The following SLC17A6 variants were observed in gnomAD, a reference collection of about 807,000 sequenced individuals.
SLC17A6 encodes the protein vesicular glutamate transporter 2.
Under a neutral mutation model 67.1 loss-of-function variants are expected in SLC17A6, and 35 were observed. That is an observed-to-expected ratio of 0.52 (90% CI 0.40 to 0.69). SLC17A6 has a LOEUF of 0.69. SLC17A6 is among the 30% of genes least tolerant of loss of function. The probability of loss-of-function intolerance (pLI) is 0.00; values close to 1 mark genes in which losing one functional copy is unlikely to be tolerated. For synonymous variants in SLC17A6, 285 were observed against 252.3 expected, an observed-to-expected ratio of 1.13 and a Z score of -1.23; for missense variants, 588 against 723.9, an observed-to-expected ratio of 0.81 and a Z score of 2.15.
rs566952960 is a variant in SLC17A6, at chr11:22,346,660, G to A, written c.458+3295G>A. Among the ~76,000 whole-genome samples, 490 of 151,698 alleles carry A rather than the reference G, an allele frequency of 3.2e-3. 1 individual carries two copies. The highest frequency in any genetic ancestry group is 6.3e-3 in the Non-Finnish European group (431 of 67,904). ...ATATGGTAATAAAAAAATGTGGGGG[G>A]CAAATTATTTTTGTCTTTAAATAAT... On this transcript the variant is annotated intron_variant, in intron 3 of 11. Coordinates refer to ENST00000263160, the MANE Select transcript of SLC17A6 (RefSeq NM_020346.3).
rs548933705 is a variant in SLC17A6, at chr11:22,341,116, T to A, written c.87-412T>A. ...CGCGGTAGTCAGGGTAAAGCCCTGC[T>A]GGGCGCGTGTAGGAGTGGGAGGCGC... On this transcript the variant is annotated intron_variant, in intron 1 of 11. Coordinates refer to ENST00000263160, the MANE Select transcript of SLC17A6 (RefSeq NM_020346.3). Among the ~76,000 whole-genome samples, 6 of 152,296 alleles carry A rather than the reference T, an allele frequency of 3.9e-5. No individual in the cohort carries two copies. The South Asian group carries it at 1.2e-3, about 32-fold the overall frequency.
intron 3 of SLC17A6, among the ~76,000 whole-genome samples, chr11:22,349,962 G>C (rs762871460): frequency 1.3e-5 from 2 of 152,152 alleles, no homozygotes; most frequent in African/African-American, 4.8e-5. Flanking sequence ...ACAATCCACT[G>C]CCCAAATGGA....
chr11:22,355,806 GTCTT>G (rs1348147300), intron 3 of SLC17A6, among the ~76,000 whole-genome samples: 2 of 152,184 alleles, frequency 1.3e-5, no homozygotes, highest in African/African-American at 4.8e-5. Flanking sequence ...TTTTTGGAAA[GTCTT>G]TCTTCTTTTT....
At chr11:22,341,843 C>A in intron 2 of SLC17A6, 63 bp downstream of exon 2, 2 of 1,572,540 alleles carry the variant, frequency 1.3e-6, no homozygotes, top group Non-Finnish European at 1.7e-6. Context: ...AAAACCACAT[C>A]TCCTGTTTGA....
chr11:22,376,673 G>A lies in SLC17A6; in HGVS notation c.1413+1G>A. 1 of 1,613,710 alleles carries A rather than the reference G, an allele frequency of 6.2e-7. No individual in the cohort carries two copies. Among genetic ancestry groups the A allele is most frequent in the Non-Finnish European group, 8.5e-7 (1 of 1,179,772 alleles). Reference sequence around the variant, plus strand: ...TGTTGGTGCAATGACAAAGAATAAGGTAAGATGGTCAAAACAGATGTTTAG... The same window carrying A: ...TGTTGGTGCAATGACAAAGAATAAGATAAGATGGTCAAAACAGATGTTTAG... On this transcript the variant is annotated splice_donor_variant, in intron 11 of 11. Transcript: ENST00000263160. LOFTEE classifies it high-confidence loss of function.
chr11:22,362,281 C>T (rs950591111), intron 5 of SLC17A6: 2 of 429,606 alleles, frequency 4.7e-6, no homozygotes, highest in East Asian at 1.2e-4. Context: ...TGGATACTAA[C>T]AAAGAGACCG....
rs1564976534 is a variant in SLC17A6, at chr11:22,339,166, T to TTTTATATATA, written c.86+548_86+549insTTATATATAT. Among the ~76,000 whole-genome samples, 4 of 48,946 alleles carry TTTTATATATA rather than the reference T, an allele frequency of 8.2e-5. 1 individual carries two copies. In the East Asian group the frequency reaches 4.0e-3, roughly 49 times the overall value. The allele number at this position is 48,946 out of a possible 152,430, so 32.1% of individuals were successfully genotyped here. A position where few individuals can be genotyped will look rare whatever the true frequency, so the allele number is the denominator to read the frequency against. ...TGTTATATATAGTTATATATATATG[T>TTTTATATATA]TATATATATATGTTTTATATATATA... is the stretch of plus-strand genomic sequence containing the variant. On this transcript the variant is annotated intron_variant, in intron 1 of 11. Coordinates refer to ENST00000263160, the MANE Select transcript of SLC17A6 (RefSeq NM_020346.3).
intron 3 of SLC17A6, among the ~76,000 whole-genome samples, chr11:22,356,108 G>A (rs1855990664): frequency 6.6e-6 from 1 of 152,130 alleles, no homozygotes; most frequent in African/African-American, 2.4e-5. Context: ...GCCACACTTT[G>A]TTTCAATTTC....
chr11:22,338,652 C>G, intron 1 of SLC17A6, 33 bp downstream of exon 1: 1 of 1,520,960 alleles, frequency 6.6e-7, no homozygotes, highest in Non-Finnish European at 9.1e-7. Flanking sequence ...TTACCTGGGG[C>G]TCAGCATGAA....
At position 22,341,759 on chromosome 11, in the gene SLC17A6, C is replaced by CG; in HGVS notation, c.323dup (p.Lys109GlnfsTer83). On this transcript the variant is annotated frameshift_variant, in exon 2 of 12. Coordinates refer to ENST00000263160, the MANE Select transcript of SLC17A6 (RefSeq NM_020346.3). LOFTEE classifies it high-confidence loss of function. ...TGGTCAACAACAGCACCATCCACCG[C>CG]GGGGGCAAGGTCATCAAGGAGGTGG... 6.2e-7 allele frequency: 1 copy of CG among 1,614,138 alleles called. No individual in the cohort carries two copies. The highest frequency in any genetic ancestry group is 8.5e-7 in the Non-Finnish European group (1 of 1,180,018).
Position 22,376,527 on chromosome 11 carries a change from C to A in SLC17A6, c.1286-18C>A, listed in dbSNP as rs755724610. 3.1e-6 allele frequency: 5 copies of A among 1,613,654 alleles called. No homozygotes were observed. Among genetic ancestry groups the A allele is most frequent in the Non-Finnish European group, 4.2e-6 (5 of 1,179,774 alleles). ...ACGTTTAGGATGCCCTGAGTCAAAA[C>A]TTATGTGTGTATTTCAGGTTTCAAT... is the stretch of plus-strand genomic sequence containing the variant. On this transcript the variant is annotated intron_variant, in intron 10 of 11. Coordinates refer to ENST00000263160, the MANE Select transcript of SLC17A6 (RefSeq NM_020346.3).
chr11:22,373,829 A>G (rs761921928), intron 8 of SLC17A6, among the ~76,000 whole-genome samples: 8 of 152,168 alleles, frequency 5.3e-5, no homozygotes, highest in Admixed American at 1.3e-4. Flanking sequence ...ACTCAAATCC[A>G]TGATTGTGAT....
chr11:22,349,881 T>A (rs556741458), intron 3 of SLC17A6, among the ~76,000 whole-genome samples: 1 of 152,176 alleles, frequency 6.6e-6, no homozygotes, highest in Admixed American at 6.5e-5. Context: ...CCTGAGTCAG[T>A]CTGCTGCAGA....
At position 22,376,034 on chromosome 11, in the gene SLC17A6, A is replaced by G. The variant is rs757779914; in HGVS notation, c.1227A>G (p.Arg409=). The stretch of plus-strand genomic sequence containing the variant: ...TGGTCGTTGGCTATTCTCATACTAG[A>G]GGGGTAGCAATCTCATTCTTGGTAC... ...LLLVVGYSHT[R]GVAISFLVLA... Residue 409 remains arginine, a synonymous_variant, in exon 10 of 12, where the codon AGA becomes AGG. Coordinates refer to ENST00000263160, the MANE Select transcript of SLC17A6 (RefSeq NM_020346.3). 2 of 1,612,426 alleles carry G rather than the reference A, an allele frequency of 1.2e-6. No individual in the cohort carries two copies. The highest frequency in any genetic ancestry group is 1.1e-5 in the South Asian group (1 of 90,650).
chr11:22,342,136 T>G (rs1258321833), intron 2 of SLC17A6, among the ~76,000 whole-genome samples: 4 of 152,248 alleles, frequency 2.6e-5, no homozygotes, highest in Non-Finnish European at 5.9e-5. Context: ...AATTATAGTT[T>G]TCCCAGGACT....
At chr11:22,345,777 G>C (rs1172096720) in intron 3 of SLC17A6, among the ~76,000 whole-genome samples, 3 of 152,062 alleles carry the variant, frequency 2.0e-5, no homozygotes, top group Admixed American at 6.5e-5. Flanking sequence ...TTTTAAACAT[G>C]TATAACATTT....
At chr11:22,370,392 C>G (rs754986200) in intron 8 of SLC17A6, among the ~76,000 whole-genome samples, 1 of 152,098 alleles carries the variant, frequency 6.6e-6, no homozygotes, top group African/African-American at 2.4e-5. Context: ...CTCTCTGGTA[C>G]TGAGAATACA....
At position 22,362,841 on chromosome 11, in the gene SLC17A6, A is replaced by AT; in HGVS notation, c.748+17dup. On this transcript the variant is annotated intron_variant, in intron 6 of 11. Coordinates refer to ENST00000263160, the MANE Select transcript of SLC17A6 (RefSeq NM_020346.3). Reference sequence around the variant, plus strand: ...TATGTCTACGGTATGTTATATTTCTATGCAATAGAGTTAAAGGAAATGTGC... The same window carrying AT: ...TATGTCTACGGTATGTTATATTTCTATTGCAATAGAGTTAAAGGAAATGTGC... The AT allele has an allele frequency of 6.2e-7, 1 of 1,601,946 alleles. No homozygotes were observed. Among genetic ancestry groups the AT allele is most frequent in the Non-Finnish European group, 8.6e-7 (1 of 1,169,172 alleles).
intron 3 of SLC17A6, among the ~76,000 whole-genome samples, chr11:22,357,682 G>A (rs12799296): frequency 0.082 from 12,526 of 152,244 alleles, 569 homozygotes; most frequent in South Asian, 0.12. Flanking sequence ...GAGAGACAGT[G>A]ATGATAGAAT....
Sources: gnomAD v4.1 joint callset for allele counts (sites outside exome capture counted in the v4.1 genomes callset) on GRCh38, gnomAD v4.1.1 for gene constraint, MANE v1.5 for transcripts, NCBI Gene and HGNC (gene_info 2026-07-23, HGNC 2026-07-21) for gene names.